The following PHACTR1 variants were observed in gnomAD, a reference collection of about 807,000 sequenced individuals.
PHACTR1 encodes RPEL repeat containing 1.
PHACTR1 carries 16 observed loss-of-function variants against 69.2 expected under a neutral mutation model. The observed-to-expected ratio is 0.23, with a 90% CI of 0.16 to 0.35. The LOEUF (loss-of-function observed/expected upper bound fraction) is 0.35. Ranked by LOEUF, PHACTR1 falls within the 10% of genes least tolerant of loss-of-function variation. PHACTR1 has a pLI of 1.00. For synonymous variants in PHACTR1, 312 were observed against 284.5 expected, an observed-to-expected ratio of 1.10 and a Z score of -0.97; for missense variants, 510 against 734.7, an observed-to-expected ratio of 0.69 and a Z score of 3.54.
At chr6:12,742,135 A>G (rs1409661250) in intron 3 of PHACTR1, among the ~76,000 whole-genome samples, 1 of 152,202 alleles carries the variant, frequency 6.6e-6, no homozygotes, top group Admixed American at 6.5e-5. Flanking sequence ...TTAAGAAAGC[A>G]AAGGAATAAA....
At chr6:13,202,387 C>CA (rs1370205747) in intron 7 of PHACTR1, among the ~76,000 whole-genome samples, 1 of 151,854 alleles carries the variant, frequency 6.6e-6, no homozygotes, top group African/African-American at 2.4e-5. Flanking sequence ...CTTAGAGAAT[C>CA]AGAGTCTTCA....
chr6:12,787,877 C>T (rs772501238), intron 4 of PHACTR1, among the ~76,000 whole-genome samples: 1 of 152,152 alleles, frequency 6.6e-6, no homozygotes, highest in Non-Finnish European at 1.5e-5. Flanking sequence ...ACAAAGGAGG[C>T]CAGGCACGGT....
In PHACTR1 at chr6:13,247,155, G is replaced by A. The variant is rs147332550; in HGVS notation, c.1391+16962G>A. Reference sequence around the variant, plus strand: ...AAACAACAGTTATTCAAAATGGGCAGCCTCTTTAGTGTCTTTGAAAAGAAA... The same window carrying A: ...AAACAACAGTTATTCAAAATGGGCAACCTCTTTAGTGTCTTTGAAAAGAAA... On this transcript the variant is annotated intron_variant, in intron 10 of 14. Coordinates refer to ENST00000332995, the MANE Select transcript of PHACTR1 (RefSeq NM_030948.6). Among the ~76,000 whole-genome samples, 408 of 152,296 alleles carry A rather than the reference G, an allele frequency of 2.7e-3. 1 individual carries two copies. Among genetic ancestry groups the A allele is most frequent in the African/African-American group, 9.2e-3 (382 of 41,560 alleles).
intron 4 of PHACTR1, among the ~76,000 whole-genome samples, chr6:13,050,948 C>T (rs1434659882): frequency 6.6e-6 from 1 of 152,138 alleles, no homozygotes; most frequent in Non-Finnish European, 1.5e-5. Context: ...ATCCTTCTGT[C>T]ATGCCCCTGC....
intron 4 of PHACTR1, among the ~76,000 whole-genome samples, chr6:12,801,280 A>C (rs191115132): frequency 3.3e-3 from 510 of 152,318 alleles, no homozygotes; most frequent in Non-Finnish European, 5.2e-3. Context: ...ATAAAGCCTC[A>C]TTGTGCGTGT....
chr6:12,811,983 C>CTT (rs377662070), intron 4 of PHACTR1, among the ~76,000 whole-genome samples: 24 of 145,898 alleles, frequency 1.6e-4, no homozygotes, highest in African/African-American at 1.7e-4. Flanking sequence ...GCAAGAGCTA[C>CTT]TTTTTTTTTT....
At chr6:12,812,533 C>G (rs1300204851) in intron 4 of PHACTR1, among the ~76,000 whole-genome samples, 2 of 152,188 alleles carry the variant, frequency 1.3e-5, no homozygotes, top group African/African-American at 4.8e-5. Context: ...ATAAACCACC[C>G]AACAAGGCCT....
intron 4 of PHACTR1, among the ~76,000 whole-genome samples, chr6:12,781,160 T>C (rs1204216767): frequency 6.6e-6 from 1 of 152,178 alleles, no homozygotes; most frequent in Admixed American, 6.5e-5. Context: ...ATTCTTTAAG[T>C]GGTTTTGAGT....
intron 4 of PHACTR1, among the ~76,000 whole-genome samples, chr6:12,768,588 G>A (rs1181926461): frequency 6.6e-6 from 1 of 151,988 alleles, no homozygotes; most frequent in Admixed American, 6.6e-5. Flanking sequence ...TCTGTAGCTG[G>A]GCATTTAGGT....
chr6:13,185,807 C>G (rs1327982799), intron 7 of PHACTR1, among the ~76,000 whole-genome samples: 1 of 152,160 alleles, frequency 6.6e-6, no homozygotes, highest in East Asian at 1.9e-4. Context: ...CAAATAATAC[C>G]TAGGTAATCA....
intron 4 of PHACTR1, among the ~76,000 whole-genome samples, chr6:12,881,859 G>C (rs1035362161): frequency 6.6e-6 from 1 of 152,148 alleles, no homozygotes; most frequent in Non-Finnish European, 1.5e-5. Flanking sequence ...AAGGGCAAAA[G>C]GTCAGGATCC....
chr6:13,106,369 G>A (rs942491053), intron 5 of PHACTR1, among the ~76,000 whole-genome samples: 3 of 152,220 alleles, frequency 2.0e-5, no homozygotes, highest in African/African-American at 7.2e-5. Context: ...GAAGTAGTGA[G>A]TGGGGACATC....
At chr6:13,031,066 G>C (rs1403502647) in intron 4 of PHACTR1, among the ~76,000 whole-genome samples, 1 of 152,146 alleles carries the variant, frequency 6.6e-6, no homozygotes, top group East Asian at 1.9e-4. Flanking sequence ...CTCATGGGAG[G>C]CAAGATTACC....
chr6:12,982,954 A>T (rs1795699289), intron 4 of PHACTR1, among the ~76,000 whole-genome samples: 1 of 152,232 alleles, frequency 6.6e-6, no homozygotes, highest in Admixed American at 6.5e-5. Context: ...TTCTTTGATC[A>T]TTAAGGCTAA....
At chr6:12,998,630 A>G (rs779563486) in intron 4 of PHACTR1, among the ~76,000 whole-genome samples, 38 of 151,932 alleles carry the variant, frequency 2.5e-4, no homozygotes, top group African/African-American at 8.2e-4. Context: ...AAAAAAAAGA[A>G]AAGAAAAAGT....
At chr6:13,285,079 A>G (rs548197893) in intron 13 of PHACTR1, among the ~76,000 whole-genome samples, 1 of 152,068 alleles carries the variant, frequency 6.6e-6, no homozygotes, top group Admixed American at 6.5e-5. Flanking sequence ...TCCTGTCCAC[A>G]CTCTCTCTGC....
chr6:13,001,195 T>C (rs995225364), intron 4 of PHACTR1, among the ~76,000 whole-genome samples: 1 of 152,242 alleles, frequency 6.6e-6, no homozygotes, highest in Admixed American at 6.5e-5. Context: ...ATGATGTTGA[T>C]GGATTTTTAG....
At chr6:12,945,072 A>G (rs1582629711) in intron 4 of PHACTR1, among the ~76,000 whole-genome samples, 2 of 151,926 alleles carry the variant, frequency 1.3e-5, no homozygotes, top group South Asian at 2.1e-4. Flanking sequence ...ATGAGAGTTA[A>G]GATTTCTTTT....
intron 6 of PHACTR1, among the ~76,000 whole-genome samples, chr6:13,175,734 C>G (rs546003583): frequency 6.6e-6 from 1 of 152,328 alleles, no homozygotes; most frequent in East Asian, 1.9e-4. Context: ...TATTAGCACT[C>G]TTCTTCTGTC....
Sources: gnomAD v4.1 joint callset for allele counts (sites outside exome capture counted in the v4.1 genomes callset) on GRCh38, gnomAD v4.1.1 for gene constraint, MANE v1.5 for transcripts, NCBI Gene and HGNC (gene_info 2026-07-23, HGNC 2026-07-21) for gene names.